The following FAM135B variants were observed in gnomAD, a reference collection of about 807,000 sequenced individuals.
The protein encoded by FAM135B is protein FAM135B.
FAM135B carries 43 observed loss-of-function variants against 127.7 expected under a neutral mutation model. The ratio of observed to expected loss-of-function variants is 0.34; its 90% confidence interval spans 0.26 to 0.43. The LOEUF is 0.43. Among genes scored for constraint, FAM135B ranks in the 20% least tolerant of loss-of-function variants. The pLI, the probability that FAM135B is intolerant of heterozygous loss-of-function variation, is 1.00. For synonymous variants in FAM135B, 670 were observed against 665.1 expected, an observed-to-expected ratio of 1.01 and a Z score of -0.11; for missense variants, 1,558 against 1,725.6, an observed-to-expected ratio of 0.90 and a Z score of 1.72.
chr8:138,483,179 G>A (rs1004446259), intron 1 of FAM135B, among the ~76,000 whole-genome samples: 3 of 152,052 alleles, frequency 2.0e-5, no homozygotes, highest in Non-Finnish European at 4.4e-5. Context: ...TCTTGCTATG[G>A]GTCACATTTC....
At chr8:138,379,176 A>C (rs957269594) in intron 1 of FAM135B, among the ~76,000 whole-genome samples, 2 of 152,128 alleles carry the variant, frequency 1.3e-5, no homozygotes, top group Non-Finnish European at 2.9e-5. Context: ...TACTGTCTCC[A>C]AGTTCTTTTT....
At chr8:138,324,287 C>G (rs577549308) in intron 2 of FAM135B, among the ~76,000 whole-genome samples, 1 of 152,142 alleles carries the variant, frequency 6.6e-6, no homozygotes, top group East Asian at 1.9e-4. Context: ...TCACATGACT[C>G]CTAAGTCAGG....
At chr8:138,176,770 T>C (rs1814514612) in intron 11 of FAM135B, among the ~76,000 whole-genome samples, 1 of 152,186 alleles carries the variant, frequency 6.6e-6, no homozygotes, top group African/African-American at 2.4e-5. Flanking sequence ...ACCCTTGGAC[T>C]GTGGACCAGA....
intron 4 of FAM135B, among the ~76,000 whole-genome samples, chr8:138,259,899 T>C (rs1822412146): frequency 6.6e-6 from 1 of 152,134 alleles, no homozygotes; most frequent in Non-Finnish European, 1.5e-5. Flanking sequence ...GGGAAAAATA[T>C]TAAAGATAGC....
At chr8:138,273,895 A>C (rs972584245) in intron 3 of FAM135B, among the ~76,000 whole-genome samples, 5 of 152,052 alleles carry the variant, frequency 3.3e-5, no homozygotes, top group Non-Finnish European at 5.9e-5. Flanking sequence ...ATCATTTCCA[A>C]GGCTTTCAAG....
At chr8:138,206,185 GCAT>G (rs1319665981) in intron 7 of FAM135B, among the ~76,000 whole-genome samples, 1 of 137,664 alleles carries the variant, frequency 7.3e-6, no homozygotes, top group East Asian at 2.1e-4. Context: ...CAAGGCTCCA[GCAT>G]CCCCTTCACT....
chr8:138,284,210 C>A (rs1824493947), intron 3 of FAM135B, among the ~76,000 whole-genome samples: 1 of 152,134 alleles, frequency 6.6e-6, no homozygotes. Flanking sequence ...TTCAATAAAT[C>A]CTTTTCTCTC....
chr8:138,265,791 C>T lies in FAM135B; in HGVS notation c.209G>A (p.Arg70Gln), dbSNP rs1822870105. The change falls in exon 4 of 20, where the codon CGG (arginine) becomes CAG (glutamine). Residue 70 changes from arginine (R) to glutamine (Q), a missense_variant. Transcript: ENST00000395297. ...ATTCCGGTATAAGATCTGAAAGACC[C>T]GGCTGTGCACGGTGCTGTCATGGAC... is the stretch of plus-strand genomic sequence containing the variant. ...ACVHDSTVHS[R>Q]VFQILYRNEE... is the part of the protein sequence containing the mutation. The T allele has an allele frequency of 2.5e-6, 4 of 1,613,984 alleles. No homozygotes were observed. Among genetic ancestry groups the T allele is most frequent in the Non-Finnish European group, 3.4e-6 (4 of 1,179,996 alleles).
intron 5 of FAM135B, among the ~76,000 whole-genome samples, chr8:138,255,382 AAGG>A (rs770151025): frequency 1.2e-4 from 18 of 152,270 alleles, no homozygotes; most frequent in African/African-American, 2.6e-4. Context: ...ACAGAGAAAG[AAGG>A]AGATTTCCTC....
chr8:138,386,018 C>T (rs887103406), intron 1 of FAM135B, among the ~76,000 whole-genome samples: 2 of 151,904 alleles, frequency 1.3e-5, no homozygotes, highest in Admixed American at 1.3e-4. Flanking sequence ...GTCAAGAGTT[C>T]GAGACCAGCC....
At chr8:138,468,260 A>T (rs1837479821) in intron 1 of FAM135B, among the ~76,000 whole-genome samples, 1 of 152,214 alleles carries the variant, frequency 6.6e-6, no homozygotes, top group Admixed American at 6.5e-5. Flanking sequence ...CTTACCTAGT[A>T]ATGGAACATT....
chr8:138,409,279 G>A (rs929216215), intron 1 of FAM135B, among the ~76,000 whole-genome samples: 4 of 152,138 alleles, frequency 2.6e-5, no homozygotes, highest in Non-Finnish European at 5.9e-5. Flanking sequence ...AGGGCCGGTA[G>A]GTGGAGCAGT....
At chr8:138,423,085 T>C (rs1834614056) in intron 1 of FAM135B, among the ~76,000 whole-genome samples, 1 of 152,110 alleles carries the variant, frequency 6.6e-6, no homozygotes, top group Middle Eastern at 3.4e-3. Flanking sequence ...TGTACAATAA[T>C]AGGGAAACAA....
rs953448483 is a variant in FAM135B at position 138,497,233 on chromosome 8, C to G, written c.-582G>C. On this transcript the variant is annotated 5_prime_UTR_variant, in exon 1 of 20. Coordinates refer to ENST00000395297, the MANE Select transcript of FAM135B (RefSeq NM_015912.4). ...CGCTGGCTCCGCTCCGCAGCCGCTG[C>G]GCACCGCGTGGGTAGACGCTGCGCG... 6.6e-6 allele frequency among the ~76,000 whole-genome samples: 1 copy of G among 150,718 alleles called. No individual in the cohort carries two copies. Among genetic ancestry groups the G allele is most frequent in the East Asian group, 2.0e-4 (1 of 5,104 alleles).
chr8:138,284,983 A>G (rs1208563834), intron 3 of FAM135B, among the ~76,000 whole-genome samples: 1 of 152,066 alleles, frequency 6.6e-6, no homozygotes, highest in Non-Finnish European at 1.5e-5. Flanking sequence ...TTTGAATGAA[A>G]TTATAAAGGC....
chr8:138,181,521 G>A (rs762086368), intron 9 of FAM135B, among the ~76,000 whole-genome samples: 2 of 152,008 alleles, frequency 1.3e-5, no homozygotes, highest in Non-Finnish European at 2.9e-5. Context: ...GCTGGCAGTG[G>A]GCTGCACACA....
intron 1 of FAM135B, among the ~76,000 whole-genome samples, chr8:138,387,229 G>A (rs75681641): frequency 0.042 from 6,413 of 152,186 alleles, 453 homozygotes; most frequent in African/African-American, 0.15. Context: ...GGAGGGAAGA[G>A]GTGAGAGCAG....
chr8:138,335,406 C>T (rs1036375149), intron 2 of FAM135B, among the ~76,000 whole-genome samples: 2 of 152,036 alleles, frequency 1.3e-5, no homozygotes, highest in Admixed American at 6.6e-5. Flanking sequence ...AATAGTCATA[C>T]AAATTATCTA....
intron 3 of FAM135B, among the ~76,000 whole-genome samples, chr8:138,274,947 T>A (rs1563846162): frequency 6.6e-6 from 1 of 151,826 alleles, no homozygotes; most frequent in Non-Finnish European, 1.5e-5. Context: ...TTTGTGCAGT[T>A]AATGCAATTA....
Sources: allele counts gnomAD v4.1 joint callset (sites outside exome capture counted in the v4.1 genomes callset), GRCh38; gene constraint gnomAD v4.1.1; transcripts MANE v1.5; gene names NCBI Gene and HGNC (gene_info 2026-07-23, HGNC 2026-07-21).